TAOK3: variants seen among roughly 807,000 people sequenced by gnomAD.
TAOK3 encodes serine/threonine-protein kinase TAO3.
In TAOK3, 40 loss-of-function variants were observed where a neutral mutation model predicts 120.4. The ratio of observed to expected loss-of-function variants is 0.33; its 90% CI spans 0.26 to 0.43. The LOEUF is 0.43. Among genes scored for constraint, TAOK3 ranks in the 20% least tolerant of loss-of-function variants. The pLI, the probability that TAOK3 is intolerant of heterozygous loss-of-function variation, is 1.00. For missense variants in TAOK3, 821 were observed against 1,112.1 expected (o/e 0.74, Z 3.72); for synonymous variants, 355 against 387.5 (o/e 0.92, Z 0.99).
intron 1 of TAOK3, among the ~76,000 whole-genome samples, chr12:118,274,404 T>G (rs1176125107): frequency 1.3e-5 from 2 of 152,176 alleles, no homozygotes; most frequent in Admixed American, 1.3e-4. Context: ...TTGAGGATCC[T>G]AACAATGATA....
intron 1 of TAOK3, among the ~76,000 whole-genome samples, chr12:118,346,790 GC>G (rs1377524283): frequency 2.0e-5 from 3 of 152,162 alleles, no homozygotes; most frequent in Non-Finnish European, 4.4e-5. Context: ...TTCTACATGT[GC>G]CTGAGATAAT....
Position 118,255,599 on chromosome 12 carries a change from T to A in TAOK3, c.-32A>T. On this transcript the variant is annotated 5_prime_UTR_variant, in exon 3 of 21. Coordinates refer to ENST00000392533, the MANE Select transcript of TAOK3 (RefSeq NM_016281.4). ...CAGTAGAGCAGGCTCTGCTTTTTGA[T>A]ATCAGTTAGCTTTATTTCTCATTGA... is the stretch of plus-strand genomic sequence containing the variant. 5 of 1,580,322 alleles carry A rather than the reference T, an allele frequency of 3.2e-6. No homozygotes were observed. Among genetic ancestry groups the A allele is most frequent in the Non-Finnish European group, 4.3e-6 (5 of 1,164,922 alleles).
chr12:118,296,579 A>G (rs1487759723), intron 1 of TAOK3, among the ~76,000 whole-genome samples: 1 of 152,186 alleles, frequency 6.6e-6, no homozygotes, highest in Non-Finnish European at 1.5e-5. Context: ...ACAATGTAAC[A>G]CCTAGGCTGT....
intron 1 of TAOK3, among the ~76,000 whole-genome samples, chr12:118,365,626 T>G (rs1166828381): frequency 3.3e-5 from 5 of 152,218 alleles, no homozygotes; most frequent in Non-Finnish European, 4.4e-5. Context: ...ATAAATATAA[T>G]CTACTAGTTT....
chr12:118,160,050 T>C lies in TAOK3; in HGVS notation c.2352+96A>G. The C allele has an allele frequency of 1.9e-6, 2 of 1,079,442 alleles. No individual in the cohort carries two copies. The highest frequency in any genetic ancestry group is 2.8e-6 in the Non-Finnish European group (2 of 711,910). The allele number at this position is 1,079,442 out of a possible 1,614,324, so 66.9% of individuals were successfully genotyped here. On this transcript the variant is annotated intron_variant, in intron 19 of 20. Transcript: ENST00000392533. This position sits in a 1 kb window ranked among gnomAD's most constrained non-coding sequence, Gnocchi z 4.2. ...GGCAGAAAAACATCAATATCCTAAA[T>C]TTGTGCAAGAATCATCTTGGGAACA... is the stretch of plus-strand genomic sequence containing the variant.
At chr12:118,355,808 T>A (rs530768810) in intron 1 of TAOK3, among the ~76,000 whole-genome samples, 53 of 152,338 alleles carry the variant, frequency 3.5e-4, no homozygotes, top group African/African-American at 1.3e-3. Context: ...ATGCTTTTCA[T>A]ACATTATTTC....
chr12:118,288,661 A>G (rs1451001124), intron 1 of TAOK3, among the ~76,000 whole-genome samples: 1 of 152,184 alleles, frequency 6.6e-6, no homozygotes, highest in Non-Finnish European at 1.5e-5. Context: ...CACGCCTGTA[A>G]TCCCAGCACT....
chr12:118,231,914 T>C (rs951871383), intron 9 of TAOK3, among the ~76,000 whole-genome samples: 2 of 150,056 alleles, frequency 1.3e-5, no homozygotes, highest in African/African-American at 2.4e-5. Context: ...CAGAGCAAGA[T>C]TGTGTCTCAA....
chr12:118,312,823 T>C (rs773380103), intron 1 of TAOK3, among the ~76,000 whole-genome samples: 9 of 152,204 alleles, frequency 5.9e-5, no homozygotes, highest in Admixed American at 1.3e-4. Flanking sequence ...CGATCTTAAC[T>C]AGAGGCCTGT....
intron 11 of TAOK3, among the ~76,000 whole-genome samples, chr12:118,205,389 T>C (rs576511938): frequency 8.1e-4 from 121 of 149,918 alleles, no homozygotes; most frequent in Middle Eastern, 6.9e-3. Context: ...AGAAAGAAAA[T>C]TTTTCTTTTT....
At chr12:118,331,738 T>A (rs1248452107) in intron 1 of TAOK3, among the ~76,000 whole-genome samples, 2 of 151,366 alleles carry the variant, frequency 1.3e-5, no homozygotes, top group Non-Finnish European at 2.9e-5. Context: ...GCTTTATAAA[T>A]TGCTATAAAT....
At chr12:118,253,151 C>T (rs1438512957) in intron 3 of TAOK3, among the ~76,000 whole-genome samples, 1 of 152,108 alleles carries the variant, frequency 6.6e-6, no homozygotes, top group Non-Finnish European at 1.5e-5. Context: ...TGAGCATAGA[C>T]GCAGTGGTTG....
intron 9 of TAOK3, among the ~76,000 whole-genome samples, chr12:118,217,892 C>T (rs1380410045): frequency 1.7e-5 from 2 of 116,390 alleles, no homozygotes; most frequent in Non-Finnish European, 3.4e-5. Flanking sequence ...GACGGAGTCT[C>T]GCTCTGTCAC....
intron 1 of TAOK3, among the ~76,000 whole-genome samples, chr12:118,339,866 C>T (rs1223276225): frequency 6.6e-6 from 1 of 152,126 alleles, no homozygotes; most frequent in Non-Finnish European, 1.5e-5. Context: ...TCTTCCAATA[C>T]TTTATAGATT....
chr12:118,151,083 C>T lies in TAOK3; in HGVS notation c.2611G>A (p.Glu871Lys). ...IKNLLERQER[E>K]IETFDMESLR... The stretch of plus-strand genomic sequence containing the variant: ...CTCTCCATGTCAAAAGTTTCAATCT[C>T]TCGCTCTTGCCTTTCCAATAGGTTC... The change falls in exon 21 of 21, where the codon GAG (glutamate) becomes AAG (lysine). Residue 871 changes from glutamate to lysine, a missense_variant. Coordinates refer to ENST00000392533, the MANE Select transcript of TAOK3 (RefSeq NM_016281.4). The T allele has an allele frequency of 6.2e-7, 1 of 1,613,348 alleles. No homozygotes were observed. Among genetic ancestry groups the T allele is most frequent in the Non-Finnish European group, 8.5e-7 (1 of 1,179,972 alleles).
intron 7 of TAOK3, among the ~76,000 whole-genome samples, chr12:118,237,474 A>C (rs1024668399): frequency 1.3e-5 from 2 of 152,136 alleles, no homozygotes; most frequent in Admixed American, 1.3e-4. Context: ...AGAAAATACA[A>C]GGCAGAGAAA....
At chr12:118,313,371 G>C (rs889585657) in intron 1 of TAOK3, among the ~76,000 whole-genome samples, 1 of 151,938 alleles carries the variant, frequency 6.6e-6, no homozygotes, top group African/African-American at 2.4e-5. Context: ...CCGCCTCCTG[G>C]GTTCAAGTGA....
chr12:118,307,035 T>C (rs887710634), intron 1 of TAOK3, among the ~76,000 whole-genome samples: 1 of 152,226 alleles, frequency 6.6e-6, no homozygotes, highest in Admixed American at 6.5e-5. Flanking sequence ...AACACAGTTC[T>C]AGATAGTTCA....
chr12:118,279,922 C>T (rs1251522832), intron 1 of TAOK3, among the ~76,000 whole-genome samples: 6 of 151,678 alleles, frequency 4.0e-5, no homozygotes, highest in East Asian at 1.9e-4. Flanking sequence ...CCCGCCACCA[C>T]GTCCAGCTAA....
Sources: gnomAD v4.1 joint callset for allele counts (sites outside exome capture counted in the v4.1 genomes callset) on GRCh38, gnomAD v4.1.1 for gene constraint, Gnocchi (gnomAD v3.1) non-coding constraint, MANE v1.5 for transcripts, NCBI Gene and HGNC (gene_info 2026-07-23, HGNC 2026-07-21) for gene names.